CCNY: variants seen among roughly 807,000 people sequenced by gnomAD.
CCNY encodes cyclin-Y.
In CCNY, 19 loss-of-function variants were observed where a neutral mutation model predicts 42.8. The ratio of observed to expected loss-of-function variants is 0.44; its 90% CI spans 0.31 to 0.65. The LOEUF (loss-of-function observed/expected upper bound fraction) is 0.65, where lower values mean the gene tolerates loss of function less well. Ranked by LOEUF, CCNY falls within the 30% of genes least tolerant of loss-of-function variation. The pLI, the probability that CCNY is intolerant of heterozygous loss-of-function variation, is 0.07. For missense variants in CCNY, 370 were observed against 437.3 expected (o/e 0.85, Z 1.37); for synonymous variants, 165 against 162.7 (o/e 1.01, Z -0.11).
At chr10:35,454,982 A>G (rs1269790596) in intron 1 of CCNY, among the ~76,000 whole-genome samples, 3 of 152,214 alleles carry the variant, frequency 2.0e-5, no homozygotes, top group South Asian at 4.1e-4. Flanking sequence ...AATGCAGTGT[A>G]CCTTCCATTC....
At chr10:35,509,747 G>A (rs1840287944) in intron 3 of CCNY, among the ~76,000 whole-genome samples, 1 of 152,174 alleles carries the variant, frequency 6.6e-6, no homozygotes, top group African/African-American at 2.4e-5. Flanking sequence ...TCCCCGCATG[G>A]GCATCCCCCT....
At chr10:35,326,536 T>C (rs986492802) in intron 3 of CCNY, among the ~76,000 whole-genome samples, 2 of 152,220 alleles carry the variant, frequency 1.3e-5, no homozygotes, top group African/African-American at 2.4e-5. Flanking sequence ...AGTTGATGCC[T>C]TTTAGTCTAA....
chr10:35,252,058 T>G (rs1734659753), intron 3 of CCNY, among the ~76,000 whole-genome samples: 1 of 152,230 alleles, frequency 6.6e-6, no homozygotes, highest in Non-Finnish European at 1.5e-5. Flanking sequence ...CAAGGAAATG[T>G]GTTTTTCACA....
At chr10:35,512,026 G>A (rs1840334787) in intron 3 of CCNY, among the ~76,000 whole-genome samples, 1 of 152,222 alleles carries the variant, frequency 6.6e-6, no homozygotes, top group Non-Finnish European at 1.5e-5. Flanking sequence ...TGATACAGGT[G>A]AGAGTCCACG....
At chr10:35,434,016 T>C (rs968953504) in intron 1 of CCNY, 1 of 152,238 alleles carries the variant, frequency 6.6e-6, no homozygotes, top group Non-Finnish European at 1.5e-5. Flanking sequence ...TCATCAGTCA[T>C]ATTTACACAC....
rs148787048 is a variant in CCNY, at chr10:35,267,525, G to C, written c.-9+16899G>C. On this transcript the variant is annotated intron_variant, in intron 3 of 11. Transcript: ENST00000374706. ...GTTCTGCTGGGATACACAGCTGACAGTCCAACATGTCCATGGTGGTGGGCA... is the reference window on the plus strand; with the variant it reads ...GTTCTGCTGGGATACACAGCTGACACTCCAACATGTCCATGGTGGTGGGCA... Among the ~76,000 whole-genome samples, 34 of 152,286 alleles carry C rather than the reference G, an allele frequency of 2.2e-4. No homozygotes were observed. In the East Asian group the frequency reaches 6.4e-3, roughly 29 times the overall value.
At chr10:35,304,999 T>C (rs1835589902) in intron 3 of CCNY, among the ~76,000 whole-genome samples, 1 of 151,878 alleles carries the variant, frequency 6.6e-6, no homozygotes. Context: ...GAGCCTAATA[T>C]ACAAGTGTCA....
chr10:35,498,850 C>G (rs1256212787), intron 2 of CCNY, among the ~76,000 whole-genome samples: 3 of 152,222 alleles, frequency 2.0e-5, no homozygotes, highest in Non-Finnish European at 4.4e-5. Context: ...ATTCAGGCCC[C>G]AGGAGCCCCA....
rs114186658 is a variant in CCNY at position 35,265,340 on chromosome 10, T to C, written c.-9+14714T>C. The stretch of plus-strand genomic sequence containing the variant: ...CCTTGTCAAAGGAAAACAAATTAGA[T>C]AAATAAAGAAGAAAGCTGAAGATTA... On this transcript the variant is annotated intron_variant, in intron 3 of 11. Coordinates refer to the CCNY transcript ENST00000374706. Among the ~76,000 whole-genome samples, 854 of 152,352 alleles carry C rather than the reference T, an allele frequency of 5.6e-3. 6 individuals carry two copies. The highest frequency in any genetic ancestry group is 0.02 in the African/African-American group (826 of 41,592).
Position 35,525,949 on chromosome 10 carries a change from A to C in CCNY, c.366-15A>C, listed in dbSNP as rs1840643057. On this transcript the variant is annotated splice_polypyrimidine_tract_variant and intron_variant, in intron 4 of 9. Transcript: ENST00000374704. ...ATGCTCATGGACACTGAACCTCTGC[A>C]TTCTATTTTTACAGTGTCGCTCTTG... 1.2e-6 allele frequency: 2 copies of C among 1,611,058 alleles called. No individual in the cohort carries two copies. The highest frequency in any genetic ancestry group is 1.7e-6 in the Non-Finnish European group (2 of 1,179,000).
chr10:35,349,129 G>T (rs528571658), intron 1 of CCNY, among the ~76,000 whole-genome samples: 1 of 152,234 alleles, frequency 6.6e-6, no homozygotes, highest in African/African-American at 2.4e-5. Flanking sequence ...AGCGTGCTTG[G>T]GTTTTGGTAT....
At chr10:35,541,280 A>G (rs554558263) in intron 7 of CCNY, among the ~76,000 whole-genome samples, 5 of 152,184 alleles carry the variant, frequency 3.3e-5, no homozygotes, top group Non-Finnish European at 7.3e-5. Flanking sequence ...CAGAGTTCCT[A>G]TAAATCCCAC....
chr10:35,506,704 A>G (rs1001726735), intron 3 of CCNY, among the ~76,000 whole-genome samples: 1 of 152,144 alleles, frequency 6.6e-6, no homozygotes, highest in Non-Finnish European at 1.5e-5. Context: ...GTCATTTTGA[A>G]AGCTACATTG....
intron 3 of CCNY, among the ~76,000 whole-genome samples, chr10:35,295,556 T>A (rs1452812884): frequency 6.6e-6 from 1 of 151,978 alleles, no homozygotes; most frequent in East Asian, 1.9e-4. Context: ...AGAAACTCTA[T>A]ACCCATTAAT....
In CCNY at chr10:35,365,128, A is replaced by G. The variant is rs533064440; in HGVS notation, c.154+27921A>G. 1.8e-4 allele frequency among the ~76,000 whole-genome samples: 28 copies of G among 152,296 alleles called. 1 individual carries two copies. In the South Asian group the frequency reaches 5.6e-3, roughly 30 times the overall value. Reference sequence around the variant, plus strand: ...AACAGCCAGTCCTGTCTCAAACTTAATCTGGTAATGTTTATTGAGCTGGTA... The same window carrying G: ...AACAGCCAGTCCTGTCTCAAACTTAGTCTGGTAATGTTTATTGAGCTGGTA... On this transcript the variant is annotated intron_variant, in intron 1 of 9. Coordinates refer to ENST00000374704, the MANE Select transcript of CCNY (RefSeq NM_145012.6).
chr10:35,374,649 G>T (rs1289414084), intron 1 of CCNY, among the ~76,000 whole-genome samples: 4 of 152,134 alleles, frequency 2.6e-5, no homozygotes, highest in African/African-American at 9.7e-5. Flanking sequence ...ATGCAACTGT[G>T]GTCTTTGTGA....
chr10:35,258,326 T>C (rs4244997), intron 3 of CCNY, among the ~76,000 whole-genome samples: 55,508 of 152,034 alleles, frequency 0.37, 10,629 homozygotes, highest in African/African-American at 0.49. Context: ...TCTGAGCCTG[T>C]GCCTTTCCCT....
chr10:35,257,214 TCCTC>T (rs774309229), intron 3 of CCNY, among the ~76,000 whole-genome samples: 27 of 92,054 alleles, frequency 2.9e-4, no homozygotes, highest in Non-Finnish European at 4.2e-4. Flanking sequence ...TTTTCTTTTC[TCCTC>T]CCTCCCTCCC....
intron 1 of CCNY, among the ~76,000 whole-genome samples, chr10:35,340,578 C>T (rs1458661784): frequency 4.2e-5 from 6 of 144,392 alleles, no homozygotes; most frequent in African/African-American, 1.6e-4. Context: ...AATCTTGGTT[C>T]ACTGCAACCT....
Sources: gnomAD v4.1 joint callset for allele counts (sites outside exome capture counted in the v4.1 genomes callset) on GRCh38, gnomAD v4.1.1 for gene constraint, MANE v1.5 for transcripts, NCBI Gene and HGNC (gene_info 2026-07-23, HGNC 2026-07-21) for gene names.